SORCS2: variants seen among roughly 807,000 people sequenced by gnomAD.
The protein encoded by SORCS2 is sortilin related VPS10 domain containing receptor 2.
SORCS2 carries 100 observed loss-of-function variants against 141.6 expected under a neutral mutation model. The ratio of observed to expected loss-of-function variants is 0.71; its 90% confidence interval spans 0.60 to 0.83. The LOEUF (loss-of-function observed/expected upper bound fraction) is 0.83. Ranked by LOEUF, SORCS2 falls within the 40% of genes least tolerant of loss-of-function variation. The pLI, the probability that SORCS2 is intolerant of heterozygous loss-of-function variation, is 0.00. For missense variants in SORCS2, 1,646 were observed against 1,560.2 expected, an observed-to-expected ratio of 1.05 and a Z score of -0.93; for synonymous variants, 789 against 676.9, an observed-to-expected ratio of 1.17 and a Z score of -2.57.
chr4:7,598,935 C>T (rs2108787923), intron 3 of SORCS2, among the ~76,000 whole-genome samples: 1 of 152,312 alleles, frequency 6.6e-6, no homozygotes, highest in Middle Eastern at 3.4e-3. Flanking sequence ...GCCTTGCTGG[C>T]CACAGCCTGG....
intron 5 of SORCS2, among the ~76,000 whole-genome samples, chr4:7,657,868 G>A (rs1368043324): frequency 6.6e-6 from 1 of 151,972 alleles, no homozygotes; most frequent in African/African-American, 2.4e-5. Context: ...GTGAATGAGT[G>A]AGTGAGTCAC....
chr4:7,648,293 C>T lies in SORCS2; in HGVS notation c.814-5841C>T, dbSNP rs756748706. On this transcript the variant is annotated intron_variant, in intron 4 of 26. Transcript: ENST00000507866. The surrounding 1 kb of genome is among the most constrained non-coding windows in gnomAD (Gnocchi z 4.2). ...GGGCCCTGCTAAGTTGGGGGTGGTG[C>T]AGGGAGGAAGTGACCGTGGAGAGGG... is the stretch of plus-strand genomic sequence containing the variant. 6.6e-6 allele frequency among the ~76,000 whole-genome samples: 1 copy of T among 151,944 alleles called. No homozygotes were observed. The highest frequency in any genetic ancestry group is 1.5e-5 in the Non-Finnish European group (1 of 67,948).
At chr4:7,456,056 T>C (rs929788902) in intron 2 of SORCS2, among the ~76,000 whole-genome samples, 6 of 152,154 alleles carry the variant, frequency 3.9e-5, no homozygotes, top group African/African-American at 7.2e-5. Context: ...CTCCCCGGCT[T>C]GCAGATGGCC....
intron 1 of SORCS2, among the ~76,000 whole-genome samples, chr4:7,375,253 A>G (rs1342427463): frequency 1.3e-5 from 2 of 152,300 alleles, no homozygotes; most frequent in African/African-American, 4.8e-5. Flanking sequence ...TGAGTCAGGC[A>G]TGGGGATACA....
chr4:7,429,911 G>C (rs888646860), intron 2 of SORCS2, among the ~76,000 whole-genome samples: 8 of 152,204 alleles, frequency 5.3e-5, no homozygotes, highest in Non-Finnish European at 7.3e-5. Flanking sequence ...CGGTGACTGT[G>C]GGAGGTGGGC....
intron 1 of SORCS2, among the ~76,000 whole-genome samples, chr4:7,229,893 T>C (rs1711710606): frequency 6.8e-6 from 1 of 146,168 alleles, no homozygotes; most frequent in Admixed American, 6.9e-5. Context: ...GGTGTGCTCA[T>C]GTATGAAGGA....
At chr4:7,337,402 C>G (rs1169231274) in intron 1 of SORCS2, among the ~76,000 whole-genome samples, 1 of 152,172 alleles carries the variant, frequency 6.6e-6, no homozygotes, top group African/African-American at 2.4e-5. Context: ...GGTGCCCGCA[C>G]TGGATCAGGA....
intron 4 of SORCS2, among the ~76,000 whole-genome samples, chr4:7,652,985 G>T (rs1721537037): frequency 6.6e-6 from 1 of 151,902 alleles, no homozygotes; most frequent in East Asian, 1.9e-4. Flanking sequence ...CTGGCCCACA[G>T]GGACACCCTC....
rs138288003 is a variant in SORCS2 at position 7,512,452 on chromosome 4, G to A, written c.549-19078G>A. Among the ~76,000 whole-genome samples the A allele has an allele frequency of 1.7e-3, 256 of 151,992 alleles. 2 individuals carry two copies. The highest frequency in any genetic ancestry group is 5.7e-3 in the African/African-American group (238 of 41,456). ...GGGGAAGGGAGGGAGGACAGTCACT[G>A]AAGGAGGCAGGTAGGAAGTGTCCCT... On this transcript the variant is annotated intron_variant, in intron 2 of 26. Transcript: ENST00000507866.
At chr4:7,389,559 T>C (rs541459306) in intron 1 of SORCS2, among the ~76,000 whole-genome samples, 74 of 152,280 alleles carry the variant, frequency 4.9e-4, no homozygotes, top group African/African-American at 1.8e-3. Context: ...CACTCAGCAA[T>C]GATCATTCTG....
chr4:7,475,620 T>C (rs1730243617), intron 2 of SORCS2, among the ~76,000 whole-genome samples: 2 of 152,220 alleles, frequency 1.3e-5, no homozygotes. Flanking sequence ...ACATGAAGAA[T>C]ACATCTGAAG....
chr4:7,614,914 T>C (rs1420243113), intron 3 of SORCS2, among the ~76,000 whole-genome samples: 1 of 152,022 alleles, frequency 6.6e-6, no homozygotes, highest in African/African-American at 2.4e-5. Context: ...CATTCATCCA[T>C]CCACCTATTA....
At chr4:7,616,207 A>T (rs933026205) in intron 3 of SORCS2, among the ~76,000 whole-genome samples, 2 of 152,008 alleles carry the variant, frequency 1.3e-5, no homozygotes, top group African/African-American at 2.4e-5. Context: ...AATTACCTTC[A>T]TCTGGAGGCT....
chr4:7,304,782 C>T (rs1390739141), intron 1 of SORCS2, among the ~76,000 whole-genome samples: 1 of 151,584 alleles, frequency 6.6e-6, no homozygotes, highest in Admixed American at 6.6e-5. Flanking sequence ...AGCCCTGTAG[C>T]AAAGGGCTCC....
intron 3 of SORCS2, among the ~76,000 whole-genome samples, chr4:7,564,623 G>T (rs147425477): frequency 6.6e-6 from 1 of 152,204 alleles, no homozygotes; most frequent in Non-Finnish European, 1.5e-5. Flanking sequence ...AGCTATGGGA[G>T]CGATGAGGAG....
At chr4:7,488,962 T>G (rs1455509445) in intron 2 of SORCS2, among the ~76,000 whole-genome samples, 1 of 152,246 alleles carries the variant, frequency 6.6e-6, no homozygotes, top group East Asian at 1.9e-4. Context: ...ACTAGCTACA[T>G]TTACGTATTC....
chr4:7,298,853 GC>G, intron 1 of SORCS2, among the ~76,000 whole-genome samples: 1 of 152,346 alleles, frequency 6.6e-6, no homozygotes, highest in Middle Eastern at 3.4e-3. Flanking sequence ...TGCATCCGGT[GC>G]CCCACTGCAG....
chr4:7,721,209 G>A (rs192907345), intron 18 of SORCS2, among the ~76,000 whole-genome samples: 7 of 152,286 alleles, frequency 4.6e-5, no homozygotes, highest in African/African-American at 1.7e-4. Context: ...TCACGCCTGT[G>A]ATCCCAGCAG....
chr4:7,548,121 G>C (rs762864755), intron 3 of SORCS2, among the ~76,000 whole-genome samples: 2 of 152,192 alleles, frequency 1.3e-5, no homozygotes, highest in African/African-American at 4.8e-5. Context: ...CTTTTCCTTG[G>C]TTAGAATTGC....
Sources: gnomAD v4.1 joint callset for allele counts (sites outside exome capture counted in the v4.1 genomes callset) on GRCh38, gnomAD v4.1.1 for gene constraint, Gnocchi (gnomAD v3.1) non-coding constraint, MANE v1.5 for transcripts, NCBI Gene and HGNC (gene_info 2026-07-23, HGNC 2026-07-21) for gene names.